The following TMCC1 variants were observed in gnomAD, a reference collection of about 807,000 sequenced individuals.
TMCC1 encodes the protein transmembrane and coiled-coil domain family 1, also known as transmembrane and coiled-coil domains protein 1.
A neutral mutation model predicts 52.4 loss-of-function variants in TMCC1; 15 were observed. That is an observed-to-expected ratio of 0.29 (90% CI 0.19 to 0.44). The LOEUF (loss-of-function observed/expected upper bound fraction) is 0.44, where lower values mean the gene tolerates loss of function less well. TMCC1 is among the 20% of genes least tolerant of loss of function. TMCC1 has a pLI of 1.00. For synonymous variants in TMCC1, 279 were observed against 301.9 expected, an observed-to-expected ratio of 0.92 and a Z score of 0.79; for missense variants, 503 against 806.0, an observed-to-expected ratio of 0.62 and a Z score of 4.55.
At chr3:129,822,149 A>C (rs1192485114) in intron 4 of TMCC1, among the ~76,000 whole-genome samples, 1 of 152,158 alleles carries the variant, frequency 6.6e-6, no homozygotes, top group East Asian at 1.9e-4. Context: ...TTTTGTTTAG[A>C]CATCTGAGAA....
At chr3:129,666,601 G>C (rs985465418) in intron 5 of TMCC1, among the ~76,000 whole-genome samples, 1 of 151,946 alleles carries the variant, frequency 6.6e-6, no homozygotes, top group African/African-American at 2.4e-5. Context: ...GTAGCTGGGC[G>C]TGGTGGCAGA....
chr3:129,681,634 G>A (rs1246339854), intron 4 of TMCC1, among the ~76,000 whole-genome samples: 4 of 152,068 alleles, frequency 2.6e-5, no homozygotes, highest in Non-Finnish European at 5.9e-5. Context: ...GAGACCAGGT[G>A]CAGTGGCTCA....
intron 3 of TMCC1, among the ~76,000 whole-genome samples, chr3:129,831,216 G>A (rs923718888): frequency 3.3e-5 from 5 of 152,148 alleles, no homozygotes; most frequent in Non-Finnish European, 5.9e-5. Context: ...TTACAGGTGT[G>A]AGCCACTGCA....
At chr3:129,817,459 T>G (rs971084491) in intron 4 of TMCC1, among the ~76,000 whole-genome samples, 5 of 152,098 alleles carry the variant, frequency 3.3e-5, no homozygotes, top group African/African-American at 1.2e-4. Flanking sequence ...AATCAATTAA[T>G]AATATCTGTG....
At chr3:129,845,093 G>A (rs1181086767) in intron 2 of TMCC1, among the ~76,000 whole-genome samples, 2 of 152,016 alleles carry the variant, frequency 1.3e-5, no homozygotes, top group Admixed American at 1.3e-4. Context: ...GGAGGCTGAG[G>A]AGGAGGATCA....
At chr3:129,846,077 T>C (rs542420698) in intron 2 of TMCC1, among the ~76,000 whole-genome samples, 1 of 151,718 alleles carries the variant, frequency 6.6e-6, no homozygotes, top group Admixed American at 6.6e-5. Context: ...TCAAACATCA[T>C]GTGACATATG....
chr3:129,683,736 AC>A (rs1261662482), intron 4 of TMCC1, among the ~76,000 whole-genome samples: 2 of 151,960 alleles, frequency 1.3e-5, no homozygotes, highest in African/African-American at 2.4e-5. Flanking sequence ...CCGCCCCACC[AC>A]CATCCATCCT....
chr3:129,672,377 C>T (rs546232955), intron 4 of TMCC1, among the ~76,000 whole-genome samples: 72 of 152,254 alleles, frequency 4.7e-4, no homozygotes, highest in African/African-American at 1.7e-3. Flanking sequence ...GGAGAAGGAT[C>T]ACTTGAGGCC....
chr3:129,731,796 AT>A (rs915601478), intron 4 of TMCC1, among the ~76,000 whole-genome samples: 2 of 151,228 alleles, frequency 1.3e-5, no homozygotes, highest in African/African-American at 4.9e-5. Flanking sequence ...AGTTTTTCGT[AT>A]TTTTTTTGGT....
intron 2 of TMCC1, among the ~76,000 whole-genome samples, chr3:129,845,061 T>C (rs1028626850): frequency 6.6e-6 from 1 of 151,910 alleles, no homozygotes; most frequent in Non-Finnish European, 1.5e-5. Context: ...TGGTGGTGTA[T>C]CCCTGTAGTC....
intron 4 of TMCC1, among the ~76,000 whole-genome samples, chr3:129,810,578 T>A (rs1304087270): frequency 1.3e-5 from 2 of 152,206 alleles, no homozygotes; most frequent in Non-Finnish European, 2.9e-5. Flanking sequence ...ATCTTAAGGC[T>A]CAATGGGCAA....
intron 4 of TMCC1, among the ~76,000 whole-genome samples, chr3:129,756,679 G>GA (rs1360704154): frequency 6.6e-6 from 1 of 152,182 alleles, no homozygotes; most frequent in East Asian, 1.9e-4. Context: ...TTACAGGCGT[G>GA]AGCCACCGCA....
chr3:129,746,653 A>C (rs1018005929), intron 4 of TMCC1, among the ~76,000 whole-genome samples: 1 of 152,204 alleles, frequency 6.6e-6, no homozygotes, highest in African/African-American at 2.4e-5. Flanking sequence ...AATACAATAA[A>C]CATTGCTAGC....
At chr3:129,741,264 T>C (rs1285334072) in intron 4 of TMCC1, among the ~76,000 whole-genome samples, 1 of 152,202 alleles carries the variant, frequency 6.6e-6, no homozygotes, top group Non-Finnish European at 1.5e-5. Flanking sequence ...TTGTTTTGAA[T>C]AAAGACACAT....
At position 129,647,870 on chromosome 3, in the gene TMCC1, T is replaced by C. The variant is rs1293062786; in HGVS notation, c.*3611A>G. 1 of 152,646 alleles carries C rather than the reference T, an allele frequency of 6.6e-6. No homozygotes were observed. The highest frequency in any genetic ancestry group is 1.9e-4 in the East Asian group (1 of 5,196). 9.5% of individuals were successfully genotyped at this position (152,646 alleles called of 1,614,324 possible). A position where few individuals can be genotyped will look rare whatever the true frequency, so the allele number is the denominator to read the frequency against. ...GAATCTGCAGCGACCAGACAGAACA[T>C]AAATTTAAATCTCTCTCAACAATTA... On this transcript the variant is annotated 3_prime_UTR_variant, in exon 7 of 7. Coordinates refer to ENST00000393238, the MANE Select transcript of TMCC1 (RefSeq NM_001017395.5).
chr3:129,885,711 G>A (rs556729612), intron 1 of TMCC1, among the ~76,000 whole-genome samples: 1 of 152,230 alleles, frequency 6.6e-6, no homozygotes, highest in South Asian at 2.1e-4. Context: ...TGGGAATCCT[G>A]CCTACTATCC....
At chr3:129,891,256 A>C (rs1305487307) in intron 1 of TMCC1, among the ~76,000 whole-genome samples, 1 of 152,246 alleles carries the variant, frequency 6.6e-6, no homozygotes, top group Non-Finnish European at 1.5e-5. Flanking sequence ...ATTAGGGGTC[A>C]GCAAACATTT....
intron 2 of TMCC1, among the ~76,000 whole-genome samples, chr3:129,863,844 AG>A (rs2060506331): frequency 6.6e-6 from 1 of 152,166 alleles, no homozygotes; most frequent in East Asian, 1.9e-4. Flanking sequence ...CCTGGGTGAC[AG>A]AGCGAGACTC....
At chr3:129,860,649 G>T (rs1453412564) in intron 2 of TMCC1, among the ~76,000 whole-genome samples, 1 of 151,474 alleles carries the variant, frequency 6.6e-6, no homozygotes, top group Non-Finnish European at 1.5e-5. Context: ...ACCCAGGCTG[G>T]AGTGCAATGG....
Sources: gnomAD v4.1 joint callset for allele counts (sites outside exome capture counted in the v4.1 genomes callset) on GRCh38, gnomAD v4.1.1 for gene constraint, MANE v1.5 for transcripts, NCBI Gene and HGNC (gene_info 2026-07-23, HGNC 2026-07-21) for gene names.